Variants in MSH4 observed in about 807,000 individuals in gnomAD.
MSH4 encodes the protein mutS homolog 4, also known as mutS protein homolog 4.
MSH4 carries 106 observed loss-of-function variants against 113.7 expected under a neutral mutation model. That is an observed-to-expected ratio of 0.93 (90% CI 0.80 to 1.10). The LOEUF (loss-of-function observed/expected upper bound fraction) is 1.10. Ranked by LOEUF, MSH4 falls within the 50% of genes least tolerant of loss-of-function variation. MSH4 has a pLI of 0.00. For synonymous variants in MSH4, 368 were observed against 380.2 expected (o/e 0.97, Z 0.37); for missense variants, 1,061 against 1,093.7 (o/e 0.97, Z 0.42).
intron 19 of MSH4, among the ~76,000 whole-genome samples, chr1:75,902,840 G>A (rs1308755732): frequency 6.7e-6 from 1 of 149,962 alleles, no homozygotes; most frequent in East Asian, 2.0e-4. Flanking sequence ...CTATTCAGAT[G>A]TTTTGCCAAT....
At chr1:75,878,341 T>A (rs1651859437) in intron 11 of MSH4, 23 bp downstream of exon 11, 1 of 1,552,610 alleles carries the variant, frequency 6.4e-7, no homozygotes, top group Non-Finnish European at 8.7e-7. Flanking sequence ...TTTGATAATG[T>A]TTTTTGTAGG....
intron 7 of MSH4, among the ~76,000 whole-genome samples, chr1:75,832,476 CA>C (rs201015657): frequency 0.076 from 11,534 of 151,984 alleles, 716 homozygotes; most frequent in East Asian, 0.27. Context: ...GGCAGAGACA[CA>C]ATAAAAAAAG....
At chr1:75,838,084 C>T (rs1221297575) in intron 7 of MSH4, among the ~76,000 whole-genome samples, 1 of 152,146 alleles carries the variant, frequency 6.6e-6, no homozygotes, top group African/African-American at 2.4e-5. Flanking sequence ...GGGCTTAAAA[C>T]AACACGAATG....
At chr1:75,899,562 C>T (rs1652463731) in intron 18 of MSH4, 56 bp from the exon 19 acceptor site, 1 of 967,572 alleles carries the variant, frequency 1.0e-6, no homozygotes, top group South Asian at 2.0e-5. Context: ...TTAAAAGAAG[C>T]ATAAAAATGC....
chr1:75,821,946 C>T (rs1433232500), intron 6 of MSH4, among the ~76,000 whole-genome samples: 1 of 152,054 alleles, frequency 6.6e-6, no homozygotes, highest in Non-Finnish European at 1.5e-5. Flanking sequence ...ATTAGACCTA[C>T]TGAATTAGAA....
chr1:75,819,033 T>C (rs1260364303), intron 6 of MSH4, among the ~76,000 whole-genome samples: 1 of 152,154 alleles, frequency 6.6e-6, no homozygotes, highest in East Asian at 1.9e-4. Flanking sequence ...CCTAAAGTGC[T>C]GGGATTACGG....
intron 7 of MSH4, among the ~76,000 whole-genome samples, chr1:75,829,967 C>T (rs141032450): frequency 1.9e-3 from 296 of 152,132 alleles, no homozygotes; most frequent in African/African-American, 6.7e-3. Context: ...AGGCTTCAGA[C>T]GATCGGTAAT....
intron 4 of MSH4, among the ~76,000 whole-genome samples, chr1:75,814,409 G>A (rs1457949803): frequency 6.6e-6 from 1 of 151,530 alleles, no homozygotes; most frequent in Non-Finnish European, 1.5e-5. Context: ...AATTTGTAGT[G>A]AGCTATGATC....
intron 7 of MSH4, among the ~76,000 whole-genome samples, chr1:75,832,772 G>T (rs1343330491): frequency 6.6e-6 from 1 of 151,498 alleles, no homozygotes; most frequent in African/African-American, 2.4e-5. Flanking sequence ...ACTAGATATT[G>T]ATGGAACGTA....
At chr1:75,896,394 C>CACACACACACACACA (rs571761055) in intron 17 of MSH4, among the ~76,000 whole-genome samples, 5 of 147,174 alleles carry the variant, frequency 3.4e-5, no homozygotes, top group Non-Finnish European at 4.5e-5. Flanking sequence ...CACACACACA[C>CACACACACACACACA]CCTATTGGTC....
At position 75,879,028 on chromosome 1, in the gene MSH4, C is replaced by G. The variant is rs1651875457; in HGVS notation, c.1577C>G (p.Pro526Arg). 5 of 1,610,086 alleles carry G rather than the reference C, an allele frequency of 3.1e-6. No individual in the cohort carries two copies. Among genetic ancestry groups the G allele is most frequent in the South Asian group, 1.1e-5 (1 of 90,976 alleles). Residue 526 changes from proline (P) to arginine (R), a missense_variant, in exon 12 of 20, where the codon CCT becomes CGT. Pro to Arg is a moderately radical substitution (Grantham distance 103). Transcript: ENST00000263187. ...CAACTTGGAGAAAAATATAGTCTAC[C>G]TTTAAGGACAAGTTTTAGCTCTGCT... is the stretch of plus-strand genomic sequence containing the variant. ...ISQLGEKYSL[P>R]LRTSFSSARG...
chr1:75,865,056 TGTCTCCATCTG>T (rs1463301653), intron 8 of MSH4, among the ~76,000 whole-genome samples: 1 of 152,166 alleles, frequency 6.6e-6, no homozygotes, highest in Non-Finnish European at 1.5e-5. Flanking sequence ...ATCTCTCAGA[TGTCTCCATCTG>T]AGAGATGGAG....
At chr1:75,864,749 GT>G (rs1651526615) in intron 8 of MSH4, among the ~76,000 whole-genome samples, 1 of 151,966 alleles carries the variant, frequency 6.6e-6, no homozygotes, top group East Asian at 1.9e-4. Flanking sequence ...TTGGTTATGT[GT>G]GTTACAAACA....
intron 7 of MSH4, among the ~76,000 whole-genome samples, chr1:75,830,514 GA>G (rs935928430): frequency 3.9e-5 from 6 of 152,054 alleles, no homozygotes; most frequent in African/African-American, 1.2e-4. Flanking sequence ...TGAAATGAAG[GA>G]AAAAATGTTA....
At chr1:75,801,429 T>G (rs556605089) in intron 1 of MSH4, among the ~76,000 whole-genome samples, 1 of 150,388 alleles carries the variant, frequency 6.6e-6, no homozygotes, top group South Asian at 2.1e-4. Flanking sequence ...AATAGCCAGG[T>G]GTGGTGGGCA....
At chr1:75,832,000 G>A (rs1334775450) in intron 7 of MSH4, among the ~76,000 whole-genome samples, 2 of 152,036 alleles carry the variant, frequency 1.3e-5, no homozygotes, top group African/African-American at 4.8e-5. Context: ...TCAAGGAGCT[G>A]GTTTTTTGAA....
At chr1:75,883,590 C>A in intron 14 of MSH4, 31 bp from the exon 15 acceptor site, 1 of 1,551,710 alleles carries the variant, frequency 6.4e-7, no homozygotes, top group Non-Finnish European at 8.8e-7. Flanking sequence ...ATATATTAAT[C>A]TTTAAAAACC....
At chr1:75,900,075 G>C (rs1652475205) in intron 19 of MSH4, among the ~76,000 whole-genome samples, 1 of 151,878 alleles carries the variant, frequency 6.6e-6, no homozygotes, top group African/African-American at 2.4e-5. Context: ...AGTTTTCAAA[G>C]CTTTTCTACT....
chr1:75,885,999 ATG>A (rs1652093926), intron 15 of MSH4, among the ~76,000 whole-genome samples: 4 of 71,978 alleles, frequency 5.6e-5, no homozygotes, highest in South Asian at 4.9e-4. Context: ...ATTATATAGC[ATG>A]TATAGTATAT....
Sources: gnomAD v4.1 joint callset for allele counts (sites outside exome capture counted in the v4.1 genomes callset) on GRCh38, gnomAD v4.1.1 for gene constraint, MANE v1.5 for transcripts, NCBI Gene and HGNC (gene_info 2026-07-23, HGNC 2026-07-21) for gene names.